MACF1: variants seen among roughly 807,000 people sequenced by gnomAD.
MACF1 encodes the protein microtubule-actin cross-linking factor 1.
In MACF1, 193 loss-of-function variants were observed where a neutral mutation model predicts 854.8. The observed-to-expected ratio is 0.23, with a 90% confidence interval of 0.20 to 0.25. MACF1 has a LOEUF of 0.25. MACF1 is among the 10% of genes least tolerant of loss of function. The pLI is 1.00. For missense variants in MACF1, 7,722 were observed against 8,929.1 expected (o/e 0.86, Z 5.45); for synonymous variants, 3,185 against 3,226.7 (o/e 0.99, Z 0.44).
In MACF1 at chr1:39,335,648, G is replaced by T; in HGVS notation, c.9060G>T (p.Met3020Ile). The T allele has an allele frequency of 1.9e-6, 3 of 1,614,134 alleles. No homozygotes were observed. Among genetic ancestry groups the T allele is most frequent in the Non-Finnish European group, 2.5e-6 (3 of 1,180,020 alleles). Residue 3020 changes from methionine (M) to isoleucine (I), a missense_variant, in exon 37 of 101, where the codon ATG becomes ATT. Coordinates refer to ENST00000564288, the MANE Select transcript of MACF1 (RefSeq NM_001394062.1). ...ATATAAAGAGCCAACCTAGGGAAAT[G>T]ACCTCAAGTGAAAAAGGGAAAGAAG... ...DSHIKSQPRE[M>I]TSSEKGKEAD...
intron 79 of MACF1, 56 bp from the exon 80 acceptor site, chr1:39,444,606 G>A: frequency 2.7e-6 from 4 of 1,488,378 alleles, no homozygotes; most frequent in Admixed American, 1.8e-5. Context: ...GAATCTATAT[G>A]TAGGTGTCTT....
intron 2 of MACF1, among the ~76,000 whole-genome samples, chr1:39,131,815 A>G (rs572739325): frequency 2.6e-5 from 4 of 152,018 alleles, no homozygotes; most frequent in African/African-American, 9.7e-5. Context: ...TTGTTTATTT[A>G]TTTGTTTATT....
chr1:39,479,372 T>G (rs970015704), intron 97 of MACF1, among the ~76,000 whole-genome samples: 1 of 152,202 alleles, frequency 6.6e-6, no homozygotes, highest in African/African-American at 2.4e-5. Flanking sequence ...TCAGTAATGT[T>G]TTTCTCTACT....
rs920601889 is a variant in MACF1, at chr1:39,196,962, G to A, written c.221-34220G>A. On this transcript the variant is annotated intron_variant, in intron 2 of 93. Transcript: ENST00000361689. ...AAGTTCTGAGTCTGTCTTCTACAAG[G>A]CTTCTTTCATGGTTTGGGGCCCTGC... Among the ~76,000 whole-genome samples the A allele has an allele frequency of 1.1e-4, 16 of 152,278 alleles. No homozygotes were observed. In the South Asian group the frequency reaches 3.3e-3, roughly 32 times the overall value.
intron 6 of MACF1, among the ~76,000 whole-genome samples, chr1:39,259,881 G>A (rs1309357304): frequency 6.6e-6 from 1 of 151,962 alleles, no homozygotes; most frequent in Admixed American, 6.5e-5. Flanking sequence ...GCCTCCCAAA[G>A]TGTTGGATTA....
At chr1:39,193,185 T>G (rs1205715154) in intron 2 of MACF1, among the ~76,000 whole-genome samples, 3 of 152,124 alleles carry the variant, frequency 2.0e-5, no homozygotes, top group African/African-American at 7.2e-5. Flanking sequence ...ACAGTCCCCA[T>G]AGACAGGGCT....
At chr1:39,372,950 G>A in intron 52 of MACF1, 1 of 231,152 alleles carries the variant, frequency 4.3e-6, no homozygotes, top group South Asian at 5.3e-5. Context: ...GCACTGGCCA[G>A]CCACGAAGTC....
Position 39,319,693 on chromosome 1 carries a change from G to T in MACF1, c.3975G>T (p.Gln1325His), listed in dbSNP as rs2148450374. 3 of 1,613,544 alleles carry T rather than the reference G, an allele frequency of 1.9e-6. No homozygotes were observed. The highest frequency in any genetic ancestry group is 2.5e-6 in the Non-Finnish European group (3 of 1,179,760). The part of the protein sequence containing the change: ...TALFAEIERN[Q>H]TKLDQCQKFS... ...TATTTGCAGAAATTGAGAGAAATCA[G>T]ACAAAACTGGATCAATGTCAAAAAT... is the stretch of plus-strand genomic sequence containing the variant. The change falls in exon 31 of 101, where the codon CAG becomes CAT. Residue 1325 changes from glutamine to histidine, a missense_variant. By Grantham distance (24) the Gln-to-His change is conservative (BLOSUM62 0). Transcript: ENST00000564288.
chr1:39,454,047 G>A (rs1229186284), intron 88 of MACF1, among the ~76,000 whole-genome samples, 197 bp downstream of exon 88: 1 of 152,230 alleles, frequency 6.6e-6, no homozygotes, highest in Non-Finnish European at 1.5e-5. Context: ...ATAGTGCTAT[G>A]TTAATGTGAC....
At chr1:39,313,119 A>G (rs1006310947) in intron 26 of MACF1, among the ~76,000 whole-genome samples, 1 of 152,120 alleles carries the variant, frequency 6.6e-6, no homozygotes, top group East Asian at 1.9e-4. Context: ...TAAATGTAGA[A>G]TATTTTGTCC....
At chr1:39,377,066 G>A (rs112334595) in intron 52 of MACF1, among the ~76,000 whole-genome samples, 16,730 of 151,686 alleles carry the variant, frequency 0.11, 1,843 homozygotes, top group African/African-American at 0.29. Flanking sequence ...ACTGGAGTGC[G>A]GTGGCACCAT....
intron 2 of MACF1, among the ~76,000 whole-genome samples, chr1:39,096,607 C>A (rs1641943955): frequency 6.8e-6 from 1 of 146,326 alleles, no homozygotes; most frequent in African/African-American, 2.5e-5. Flanking sequence ...AAAAAAAAAT[C>A]AGAAAGTTCC....
chr1:39,102,825 T>C (rs761237090), intron 2 of MACF1: 1 of 702,580 alleles, frequency 1.4e-6, no homozygotes, highest in Non-Finnish European at 2.6e-6. Context: ...TCAGAGCTTT[T>C]GCGACTGTGT....
chr1:39,423,965 T>G (rs1417686143), intron 60 of MACF1, 63 bp from the exon 61 acceptor site: 1 of 1,415,490 alleles, frequency 7.1e-7, no homozygotes, highest in African/African-American at 1.5e-5. Flanking sequence ...GTTTTTTTTC[T>G]TTCTTCCTAG....
At chr1:39,123,318 G>A (rs1642769338) in intron 2 of MACF1, among the ~76,000 whole-genome samples, 1 of 144,584 alleles carries the variant, frequency 6.9e-6, no homozygotes, top group Non-Finnish European at 1.5e-5. Flanking sequence ...AGCGATTCTC[G>A]TGCCTCAGCC....
intron 60 of MACF1, 144 bp downstream of exon 60, chr1:39,423,044 T>TTC: frequency 1.4e-6 from 1 of 698,772 alleles, no homozygotes; most frequent in Non-Finnish European, 2.3e-6. Context: ...AGGTGGAAAT[T>TTC]GATTTTCATT....
At chr1:39,268,539 A>T (rs1248754228) in intron 6 of MACF1, 1 of 1,164,780 alleles carries the variant, frequency 8.6e-7, no homozygotes, top group African/African-American at 1.6e-5. Context: ...TGGAAGAGAC[A>T]GAGAGAGGCG....
At chr1:39,416,374 A>G (rs553560289) in intron 58 of MACF1, among the ~76,000 whole-genome samples, 1 of 152,228 alleles carries the variant, frequency 6.6e-6, no homozygotes, top group East Asian at 1.9e-4. Context: ...CACCAGGCAC[A>G]GTGGCTCACA....
chr1:39,317,183 A>G (rs1376109383), intron 28 of MACF1, 31 bp from the exon 29 acceptor site: 11 of 1,604,460 alleles, frequency 6.9e-6, no homozygotes, highest in South Asian at 3.3e-5. Flanking sequence ...TGGAAAGTAT[A>G]CAACCTGTTT....
Sources: allele counts gnomAD v4.1 joint callset (sites outside exome capture counted in the v4.1 genomes callset), GRCh38; gene constraint gnomAD v4.1.1; transcripts MANE v1.5; gene names NCBI Gene and HGNC (gene_info 2026-07-23, HGNC 2026-07-21).